Variants in RIMS2 observed in about 807,000 individuals in gnomAD.
RIMS2 encodes regulating synaptic membrane exocytosis protein 2.
RIMS2 carries 59 observed loss-of-function variants against 174.4 expected under a neutral mutation model. The ratio of observed to expected loss-of-function variants is 0.34; its 90% CI spans 0.27 to 0.42. The LOEUF is 0.42. Ranked by LOEUF, RIMS2 falls within the 10% of genes least tolerant of loss-of-function variation. RIMS2 has a pLI of 1.00. For missense variants in RIMS2, 1,620 were observed against 1,666.3 expected, an observed-to-expected ratio of 0.97 and a Z score of 0.48; for synonymous variants, 606 against 572.5, an observed-to-expected ratio of 1.06 and a Z score of -0.84.
chr8:103,681,780 A>G (rs540404990), intron 1 of RIMS2, among the ~76,000 whole-genome samples: 1 of 152,154 alleles, frequency 6.6e-6, no homozygotes, highest in African/African-American at 2.4e-5. Context: ...TTTTTTAAGT[A>G]GAGATAATTT....
chr8:104,041,464 A>G lies in RIMS2; in HGVS notation c.3334+26849A>G, dbSNP rs897352145. 2.2e-4 allele frequency: 123 copies of G among 546,908 alleles called. 1 individual carries two copies. The highest frequency in any genetic ancestry group is 2.0e-3 in the South Asian group (79 of 39,960). 33.9% of individuals were successfully genotyped at this position (546,908 alleles called of 1,614,324 possible). Reference sequence around the variant, plus strand: ...TCATAGTTTTTCATTCCTTTGTAATATAACAAAATATTAAATCTTATGAGC... The same window carrying G: ...TCATAGTTTTTCATTCCTTTGTAATGTAACAAAATATTAAATCTTATGAGC... On this transcript the variant is annotated intron_variant, in intron 19 of 23. Coordinates refer to ENST00000504942, the Ensembl canonical transcript of RIMS2.
chr8:103,730,255 G>A (rs1198061368), intron 2 of RIMS2, among the ~76,000 whole-genome samples: 1 of 151,596 alleles, frequency 6.6e-6, no homozygotes, highest in Non-Finnish European at 1.5e-5. Context: ...GGGTGCTCCA[G>A]TGTTGGGTGA....
chr8:103,575,249 T>C (rs948789246), intron 1 of RIMS2, among the ~76,000 whole-genome samples: 7 of 152,210 alleles, frequency 4.6e-5, no homozygotes, highest in African/African-American at 1.7e-4. Context: ...GAAACACTAC[T>C]GTGTGCCCAC....
chr8:103,767,725 T>C (rs906264272), intron 3 of RIMS2, among the ~76,000 whole-genome samples: 1 of 152,180 alleles, frequency 6.6e-6, no homozygotes, highest in Non-Finnish European at 1.5e-5. Flanking sequence ...CTCCAATACA[T>C]TGCTGGATCT....
intron 14 of RIMS2, among the ~76,000 whole-genome samples, chr8:103,953,495 C>T (rs1025032735): frequency 3.3e-5 from 5 of 152,100 alleles, no homozygotes; most frequent in Admixed American, 2.6e-4. Flanking sequence ...CATATCCAGC[C>T]AAACTAAGCT....
At chr8:103,906,975 A>T (rs1180461138) in intron 4 of RIMS2, among the ~76,000 whole-genome samples, 1 of 152,238 alleles carries the variant, frequency 6.6e-6, no homozygotes, top group East Asian at 1.9e-4. Context: ...CTTGGGAAGC[A>T]CTTCTCTAGC....
intron 14 of RIMS2, among the ~76,000 whole-genome samples, chr8:103,954,756 G>C (rs2086596425): frequency 6.6e-6 from 1 of 152,080 alleles, no homozygotes; most frequent in South Asian, 2.1e-4. Context: ...TGAGATCGGA[G>C]CAGAACTGAA....
chr8:103,884,039 C>T (rs574531112), intron 3 of RIMS2, among the ~76,000 whole-genome samples: 1 of 151,856 alleles, frequency 6.6e-6, no homozygotes, highest in South Asian at 2.1e-4. Context: ...TAAAACCCTT[C>T]CTACCTGGAA....
intron 3 of RIMS2, among the ~76,000 whole-genome samples, chr8:103,773,479 C>A (rs753144012): frequency 1.3e-5 from 2 of 152,190 alleles, no homozygotes; most frequent in Non-Finnish European, 2.9e-5. Context: ...CCTGTAATCC[C>A]AGCACTTTGG....
Position 104,114,059 on chromosome 8 carries a change from G to A in RIMS2, c.3334+99444G>A, listed in dbSNP as rs80281990. On this transcript the variant is annotated intron_variant, in intron 19 of 23. Transcript: ENST00000504942. ...AATACATTTAGATAATTAAAGACCT[G>A]AATTTGTCTCTGACAAATAAATTGT... 1.0e-3 allele frequency among the ~76,000 whole-genome samples: 157 copies of A among 151,992 alleles called. 1 individual carries two copies. The East Asian group carries it at 0.021, about 20-fold the overall frequency.
chr8:104,099,432 G>A (rs2097827698), intron 19 of RIMS2, among the ~76,000 whole-genome samples: 3 of 151,986 alleles, frequency 2.0e-5, no homozygotes, highest in Admixed American at 2.0e-4. Context: ...AACCTTATAA[G>A]CCCAAATAAC....
intron 19 of RIMS2, among the ~76,000 whole-genome samples, chr8:104,236,302 T>G (rs2099258316): frequency 1.3e-5 from 2 of 152,026 alleles, no homozygotes; most frequent in Non-Finnish European, 1.5e-5. Flanking sequence ...TCTTTATAAT[T>G]ACTAAGCAAT....
intron 19 of RIMS2, among the ~76,000 whole-genome samples, chr8:104,201,498 A>T (rs1012145507): frequency 1.3e-5 from 2 of 152,230 alleles, no homozygotes; most frequent in African/African-American, 4.8e-5. Flanking sequence ...AAAATTCGGC[A>T]TCATAGATTT....
chr8:104,223,824 C>T, intron 19 of RIMS2: 1 of 1,571,984 alleles, frequency 6.4e-7, no homozygotes, highest in Non-Finnish European at 8.6e-7. Flanking sequence ...TAGTTGGTGT[C>T]TCTATCTGTT....
At chr8:103,867,237 T>C (rs1564999769) in intron 3 of RIMS2, among the ~76,000 whole-genome samples, 1 of 151,908 alleles carries the variant, frequency 6.6e-6, no homozygotes, top group Non-Finnish European at 1.5e-5. Context: ...GTCTACATTC[T>C]TAAGGTTTTA....
At chr8:104,225,185 T>C (rs535261140) in intron 19 of RIMS2, among the ~76,000 whole-genome samples, 8 of 152,162 alleles carry the variant, frequency 5.3e-5, no homozygotes, top group African/African-American at 9.7e-5. Flanking sequence ...ACAACAACCT[T>C]ATGAAGCAGT....
intron 17 of RIMS2, among the ~76,000 whole-genome samples, chr8:104,012,430 G>A (rs750640438): frequency 4.6e-5 from 7 of 150,670 alleles, no homozygotes; most frequent in Non-Finnish European, 8.9e-5. Context: ...TAAAGTGGAT[G>A]TCATTGAAAC....
chr8:103,722,548 T>G (rs901190870), intron 2 of RIMS2, among the ~76,000 whole-genome samples: 28 of 152,084 alleles, frequency 1.8e-4, no homozygotes, highest in Non-Finnish European at 3.7e-4. Context: ...CCTGTGAGAA[T>G]CTAATGCCGA....
At chr8:104,079,813 G>T (rs2097377018) in intron 19 of RIMS2, among the ~76,000 whole-genome samples, 1 of 151,298 alleles carries the variant, frequency 6.6e-6, no homozygotes, top group South Asian at 2.1e-4. Context: ...ATTCATCTTT[G>T]TAGTCTCTCA....
Sources: allele counts gnomAD v4.1 joint callset (sites outside exome capture counted in the v4.1 genomes callset), GRCh38; gene constraint gnomAD v4.1.1; transcripts MANE v1.5; gene names NCBI Gene and HGNC (gene_info 2026-07-23, HGNC 2026-07-21).